SORCS1: variants seen among roughly 807,000 people sequenced by gnomAD.
SORCS1 encodes sortilin related VPS10 domain containing receptor 1.
A neutral mutation model predicts 146.1 loss-of-function variants in SORCS1; 60 were observed. The ratio of observed to expected loss-of-function variants is 0.41; its 90% CI spans 0.33 to 0.51. The LOEUF (loss-of-function observed/expected upper bound fraction) is 0.51, where lower values mean the gene tolerates loss of function less well. Among genes scored for constraint, SORCS1 ranks in the 20% least tolerant of loss-of-function variants. The pLI, the probability that SORCS1 is intolerant of heterozygous loss-of-function variation, is 0.21. For synonymous variants in SORCS1, 637 were observed against 584.0 expected (o/e 1.09, Z -1.31); for missense variants, 1,352 against 1,487.6 (o/e 0.91, Z 1.50).
chr10:107,018,684 A>C (rs1958002907), intron 1 of SORCS1, among the ~76,000 whole-genome samples: 1 of 152,172 alleles, frequency 6.6e-6, no homozygotes, highest in Non-Finnish European at 1.5e-5. Context: ...AAAATTAAAA[A>C]AAAAAACAAC....
At position 107,060,282 on chromosome 10, in the gene SORCS1, C is replaced by A. The variant is rs373784437; in HGVS notation, c.558+103687G>T. ...GATTTTCAATCATTTATAACACATC[C>A]AATAATCTGTTTTCCCCTCATCTGT... On this transcript the variant is annotated intron_variant, in intron 1 of 25. Coordinates refer to ENST00000263054, the MANE Select transcript of SORCS1 (RefSeq NM_052918.5). This position sits in a 1 kb window ranked among gnomAD's most constrained non-coding sequence, Gnocchi z 4.1. Among the ~76,000 whole-genome samples, 120 of 152,216 alleles carry A rather than the reference C, an allele frequency of 7.9e-4. 3 individuals are homozygous for A. In the South Asian group the frequency reaches 0.024, roughly 30 times the overall value.
chr10:107,108,443 A>T (rs1965451770), intron 1 of SORCS1, among the ~76,000 whole-genome samples: 1 of 152,134 alleles, frequency 6.6e-6, no homozygotes, highest in African/African-American at 2.4e-5. Flanking sequence ...AGAAGCAAAC[A>T]AGAGAGTAGT....
rs3044913 is a variant in SORCS1, at chr10:106,647,389, T to TACACAC, written c.2475+4987_2475+4992dup. ...TGTATTTTGATGCTATTATAAATTTTACACACACACACACACACACACACA... is the reference window on the plus strand; with the variant it reads ...TGTATTTTGATGCTATTATAAATTTTACACACACACACACACACACACACACACACA... On this transcript the variant is annotated intron_variant, in intron 18 of 25. Transcript: ENST00000263054. 3.3e-3 allele frequency among the ~76,000 whole-genome samples: 490 copies of TACACAC among 147,414 alleles called. 4 individuals carry two copies. Among genetic ancestry groups the TACACAC allele is most frequent in the South Asian group, 0.02 (92 of 4,592 alleles).
chr10:106,715,756 CTTTCTT>C (rs1166414932), intron 6 of SORCS1, among the ~76,000 whole-genome samples: 4 of 152,048 alleles, frequency 2.6e-5, no homozygotes, highest in African/African-American at 9.7e-5. Flanking sequence ...GAGGCAGCTT[CTTTCTT>C]TTTCTTTTTT....
chr10:106,886,485 G>A (rs1006786862), intron 2 of SORCS1, among the ~76,000 whole-genome samples: 5 of 152,094 alleles, frequency 3.3e-5, no homozygotes, highest in Non-Finnish European at 7.4e-5. Flanking sequence ...CTTGGGTTGA[G>A]TGACAACACT....
At chr10:106,820,231 G>C (rs1404447769) in intron 3 of SORCS1, among the ~76,000 whole-genome samples, 2 of 152,126 alleles carry the variant, frequency 1.3e-5, no homozygotes, top group African/African-American at 4.8e-5. Context: ...CAAGCAGCCA[G>C]GAAAAGATTT....
At chr10:106,792,082 T>A (rs1946345951) in intron 3 of SORCS1, among the ~76,000 whole-genome samples, 1 of 152,238 alleles carries the variant, frequency 6.6e-6, no homozygotes, top group African/African-American at 2.4e-5. Context: ...TTTATAAGTC[T>A]GCTTATGCAC....
At chr10:107,050,912 T>C (rs1156737631) in intron 1 of SORCS1, among the ~76,000 whole-genome samples, 1 of 152,180 alleles carries the variant, frequency 6.6e-6, no homozygotes, top group African/African-American at 2.4e-5. Context: ...TCCTTATTCA[T>C]TCACATATCC....
intron 7 of SORCS1, among the ~76,000 whole-genome samples, 172 bp from the exon 8 acceptor site, chr10:106,706,806 A>G (rs1854567461): frequency 6.6e-6 from 1 of 152,246 alleles, no homozygotes; most frequent in African/African-American, 2.4e-5. Flanking sequence ...TTATAAAGAC[A>G]TATGAGCTGG....
In SORCS1 at chr10:107,018,871, T is replaced by C. The variant is rs138700262; in HGVS notation, c.559-62291A>G. On this transcript the variant is annotated intron_variant, in intron 1 of 25. Transcript: ENST00000263054. ...CGTTACACTTTAATAAGAAAGAACG[T>C]TTTTAAAACTGAAAGAAAAATAATC... Among the ~76,000 whole-genome samples, 53 of 152,308 alleles carry C rather than the reference T, an allele frequency of 3.5e-4. 1 individual carries two copies. In the East Asian group the frequency reaches 9.4e-3, roughly 27 times the overall value.
intron 3 of SORCS1, among the ~76,000 whole-genome samples, chr10:106,784,778 A>T (rs1945980815): frequency 6.6e-6 from 1 of 152,224 alleles, no homozygotes; most frequent in South Asian, 2.1e-4. Context: ...TTTATTCCAC[A>T]AGAAATGATA....
At chr10:107,136,334 A>C (rs1296799634) in intron 1 of SORCS1, among the ~76,000 whole-genome samples, 2 of 152,188 alleles carry the variant, frequency 1.3e-5, no homozygotes, top group Non-Finnish European at 2.9e-5. Context: ...AACCAAAAAG[A>C]ATGAGAGAAC....
intron 9 of SORCS1, among the ~76,000 whole-genome samples, chr10:106,689,043 T>C (rs1853099151): frequency 6.6e-6 from 1 of 152,186 alleles, no homozygotes; most frequent in South Asian, 2.1e-4. Flanking sequence ...GAGGACAGCT[T>C]TTAAATTTAA....
chr10:106,933,404 C>G (rs1204302000), intron 2 of SORCS1, among the ~76,000 whole-genome samples: 2 of 152,112 alleles, frequency 1.3e-5, no homozygotes, highest in African/African-American at 4.8e-5. Context: ...GGATTGACAG[C>G]CACTGAGTAT....
At chr10:106,975,348 C>T (rs1955947542) in intron 1 of SORCS1, among the ~76,000 whole-genome samples, 1 of 152,226 alleles carries the variant, frequency 6.6e-6, no homozygotes, top group African/African-American at 2.4e-5. Flanking sequence ...TGTCATGAAT[C>T]TGACGCTTCT....
chr10:106,942,741 G>A (rs1339155732), intron 2 of SORCS1, among the ~76,000 whole-genome samples: 1 of 151,966 alleles, frequency 6.6e-6, no homozygotes. Flanking sequence ...GATCTACTAC[G>A]ACTGGATAAT....
intron 2 of SORCS1, among the ~76,000 whole-genome samples, chr10:106,943,934 G>A (rs1018223113): frequency 1.3e-5 from 2 of 152,154 alleles, no homozygotes; most frequent in African/African-American, 4.8e-5. Flanking sequence ...AGACAAAAGT[G>A]AGAAAGTCAT....
At chr10:106,918,403 T>A (rs916356545) in intron 2 of SORCS1, among the ~76,000 whole-genome samples, 1 of 152,118 alleles carries the variant, frequency 6.6e-6, no homozygotes, top group Non-Finnish European at 1.5e-5. Flanking sequence ...GACCTGGTGA[T>A]CCACCCGCCT....
At chr10:106,610,845 G>A (rs747787615) in intron 22 of SORCS1, among the ~76,000 whole-genome samples, 16 of 152,148 alleles carry the variant, frequency 1.1e-4, no homozygotes, top group African/African-American at 2.4e-4. Flanking sequence ...TTGGGAGGCC[G>A]GGGCAGTTGA....
Sources: allele counts gnomAD v4.1 joint callset (sites outside exome capture counted in the v4.1 genomes callset), GRCh38; gene constraint gnomAD v4.1.1; non-coding constraint Gnocchi (gnomAD v3.1); transcripts MANE v1.5; gene names NCBI Gene and HGNC (gene_info 2026-07-23, HGNC 2026-07-21).